ZNF530: variants seen among roughly 807,000 people sequenced by gnomAD.
The protein encoded by ZNF530 is zinc finger protein 530.
A neutral mutation model predicts 2.8 loss-of-function variants in ZNF530; 5 were observed. That is an observed-to-expected ratio of 1.80 (90% CI 0.94 to 3.78). ZNF530 has a LOEUF of 3.78. Ranked by LOEUF, ZNF530 falls within the 30% of genes most tolerant of loss-of-function variation. The pLI, the probability that ZNF530 is intolerant of heterozygous loss-of-function variation, is 0.00. For missense variants in ZNF530, 619 were observed against 673.3 expected (o/e 0.92, Z 0.89); for synonymous variants, 229 against 235.0 (o/e 0.97, Z 0.23).
intron 2 of ZNF530, among the ~76,000 whole-genome samples, chr19:57,601,242 T>C (rs1353787144): frequency 6.6e-6 from 1 of 152,136 alleles, no homozygotes; most frequent in Non-Finnish European, 1.5e-5. Flanking sequence ...AGGGAGTTGG[T>C]AGCAATACCA....
Position 57,607,262 on chromosome 19 carries a change from A to T in ZNF530, c.1638A>T (p.Glu546Asp), listed in dbSNP as rs1158993688. 1 of 1,614,088 alleles carries T rather than the reference A, an allele frequency of 6.2e-7. No individual in the cohort carries two copies. The highest frequency in any genetic ancestry group is 8.5e-7 in the Non-Finnish European group (1 of 1,180,014). Residue 546 changes from glutamate to aspartate, a missense_variant, in exon 4 of 4, where the codon GAA (glutamate) becomes GAT (aspartate). Physicochemically the swap from Glu to Asp is conservative, Grantham distance 45. Transcript: ENST00000597700. ...GAGAAAGGCCTTATGAATGCAGTGA[A>T]TGTGGAAAATCCTTTAGCCAAAGCT... Reference protein sequence around the residue: ...HTGERPYECSECGKSFSQSSG... With the variant: ...HTGERPYECSDCGKSFSQSSG...
intron 2 of ZNF530, among the ~76,000 whole-genome samples, chr19:57,602,146 C>T (rs1980273038): frequency 6.6e-6 from 1 of 152,198 alleles, no homozygotes; most frequent in Non-Finnish European, 1.5e-5. Flanking sequence ...CATCAGGGTG[C>T]CTCTAGATTC....
chr19:57,600,227 G>C (rs774609965), intron 1 of ZNF530, 93 bp downstream of exon 1: 20 of 1,358,030 alleles, frequency 1.5e-5, no homozygotes, highest in Non-Finnish European at 2.0e-5. Flanking sequence ...CGCACTGTCC[G>C]GCACAGTGAG....
Position 57,605,715 on chromosome 19 carries a change from A to G in ZNF530, c.91A>G (p.Thr31Ala), listed in dbSNP as rs9677004. ...CTGGTGTGGAGCAGTAGATGAGGGG[A>G]CGCCTTCTGCAGAGAGCGTTTCTGT... ...GCWCGAVDEG[T>A]PSAESVSVEE... The change falls in exon 4 of 4, where the codon ACG (threonine) becomes GCG (alanine). Residue 31 changes from threonine to alanine, a missense_variant. Thr to Ala is a moderately conservative substitution (Grantham distance 58, BLOSUM62 0). Transcript: ENST00000597700. 0.19 allele frequency: 300,522 copies of G among 1,610,744 alleles called. 31,913 individuals are homozygous for G. The highest frequency in any genetic ancestry group is 0.45 in the African/African-American group (33,791 of 74,820).
Position 57,606,349 on chromosome 19 carries a change from CA to C in ZNF530, c.726del (p.Phe243LeufsTer7), listed in dbSNP as rs777055207. ...CATGAATGTAGTGAATGTGGGAAAT[CA>C]TTTAGTCGCAAAACTCACCTAACTC... ...RTHECSECGK[S>X]FSRKTHLTQH... On this transcript the variant is annotated frameshift_variant, in exon 4 of 4. Transcript: ENST00000597700. LOFTEE classifies it low-confidence loss of function (END_TRUNC). 8.1e-6 allele frequency: 13 copies of C among 1,614,104 alleles called. No homozygotes were observed. The Middle Eastern group carries it at 4.9e-4, about 61-fold the overall frequency.
rs780728808 is a variant in ZNF530 at position 57,606,291 on chromosome 19, C to T, written c.667C>T (p.Arg223Ter). The T allele has an allele frequency of 3.7e-6, 6 of 1,613,986 alleles. No homozygotes were observed. Among genetic ancestry groups the T allele is most frequent in the Admixed American group, 1.7e-5 (1 of 60,006 alleles). ...KSFSQSSGFLRHRKAHGRTRT... is the reference protein window; with the variant it reads ...KSFSQSSGFL ...CTTTAGTCAAAGTTCTGGCTTTCTT[C>T]GACACAGGAAAGCACACGGTAGAAC... The change falls in exon 4 of 4, where the codon CGA becomes TGA. Residue 223 changes from arginine (R) to a stop codon, truncating the protein, a stop_gained. Transcript: ENST00000597700. LOFTEE classifies it low-confidence loss of function (END_TRUNC).
chr19:57,600,016 G>T lies in ZNF530; in HGVS notation c.-240G>T, dbSNP rs1362830762. ...GTCGTTTTCTCAGCTGCACAGCCGG[G>T]GCCTGACGGTCGCCGGCGGTGGTGA... is the stretch of plus-strand genomic sequence containing the variant. On this transcript the variant is annotated 5_prime_UTR_variant, in exon 1 of 4. Transcript: ENST00000597700. 2 of 1,402,884 alleles carry T rather than the reference G, an allele frequency of 1.4e-6. No individual in the cohort carries two copies. Among genetic ancestry groups the T allele is most frequent in the Admixed American group, 2.3e-5 (1 of 43,670 alleles). The allele number at this position is 1,402,884 out of a possible 1,614,324, so 86.9% of individuals were successfully genotyped here.
intron 2 of ZNF530, among the ~76,000 whole-genome samples, chr19:57,601,876 T>C (rs531324098): frequency 6.6e-5 from 10 of 152,322 alleles, no homozygotes; most frequent in African/African-American, 2.4e-4. Flanking sequence ...AGTCTCTTTT[T>C]AGCAACCAGG....
At position 57,610,049 on chromosome 19, in the gene ZNF530, A is replaced by C. The variant is rs1308116537; in HGVS notation, c.*2724A>C. Among the ~76,000 whole-genome samples the C allele has an allele frequency of 6.6e-6, 1 of 152,250 alleles. No individual in the cohort carries two copies. The highest frequency in any genetic ancestry group is 2.4e-5 in the African/African-American group (1 of 41,462). On this transcript the variant is annotated 3_prime_UTR_variant, in exon 4 of 4. Coordinates refer to ENST00000597700, the MANE Select transcript of ZNF530 (RefSeq NM_001321981.2). ...AGATTGTTATTGCATCCATTAAAAA[A>C]AAATCAAGTTATAATTGATGTGGAA...
intron 3 of ZNF530, chr19:57,604,750 T>G (rs957351724): frequency 5.1e-6 from 1 of 195,122 alleles, no homozygotes; most frequent in African/African-American, 2.4e-5. Flanking sequence ...AGCTGCCTGT[T>G]TCAGGAATTG....
At position 57,606,663 on chromosome 19, in the gene ZNF530, G is replaced by C. The variant is rs145835817; in HGVS notation, c.1039G>C (p.Glu347Gln). Residue 347 changes from glutamate (E) to glutamine (Q), a missense_variant, in exon 4 of 4, where the codon GAG becomes CAG. Physicochemically the swap from Glu to Gln is conservative, Grantham distance 29 (BLOSUM62 2). Coordinates refer to ENST00000597700, the MANE Select transcript of ZNF530 (RefSeq NM_001321981.2). ...WRVHTGVRPY[E>Q]CSECGKAFSC... ...AGTTCACACTGGAGTAAGGCCTTATGAGTGTAGTGAATGTGGGAAAGCATT... is the reference window on the plus strand; with the variant it reads ...AGTTCACACTGGAGTAAGGCCTTATCAGTGTAGTGAATGTGGGAAAGCATT... The C allele has an allele frequency of 6.2e-7, 1 of 1,614,156 alleles. No individual in the cohort carries two copies. The highest frequency in any genetic ancestry group is 1.7e-5 in the Admixed American group (1 of 60,020).
In ZNF530 at chr19:57,605,655, C is replaced by A. The variant is rs534331833; in HGVS notation, c.62-31C>A. On this transcript the variant is annotated intron_variant, in intron 3 of 3. Coordinates refer to ENST00000597700, the MANE Select transcript of ZNF530 (RefSeq NM_001321981.2). ...TGTAACTTCTCACACCATAGTAAAT[C>A]TGTGTTTTCTCAGCATTTCTCTTCT... 3 of 1,554,582 alleles carry A rather than the reference C, an allele frequency of 1.9e-6. No individual in the cohort carries two copies. In the Admixed American group the frequency reaches 5.8e-5, roughly 30 times the overall value.
At chr19:57,612,389 A>G (rs989849560), downstream of ZNF530, 4 of 397,424 alleles carry the variant, frequency 1.0e-5, no homozygotes, top group African/African-American at 8.2e-5. Context: ...GAAATACAGT[A>G]GGTGTTCCTT....
chr19:57,601,985 A>G (rs1980264845), intron 2 of ZNF530, among the ~76,000 whole-genome samples: 1 of 152,212 alleles, frequency 6.6e-6, no homozygotes, highest in Non-Finnish European at 1.5e-5. Context: ...CACTTCCAAC[A>G]TTGGGGATCA....
rs570716822 is a variant in ZNF530, at chr19:57,604,463, C to T, written c.61+57C>T. On this transcript the variant is annotated intron_variant, in intron 3 of 3. Coordinates refer to ENST00000597700, the MANE Select transcript of ZNF530 (RefSeq NM_001321981.2). ...TGTGGGTCTCTCCTTTTCCCCTGTC[C>T]CTGAGGCAGCTCTGTCCTTTCTTCA... 5.1e-6 allele frequency: 8 copies of T among 1,574,282 alleles called. No homozygotes were observed. The African/African-American group carries it at 8.2e-5, about 16-fold the overall frequency.
chr19:57,604,493 G>A (rs1980403252), intron 3 of ZNF530, 87 bp downstream of exon 3: 1 of 1,520,266 alleles, frequency 6.6e-7, no homozygotes, highest in Middle Eastern at 1.8e-4. Context: ...TCTTCAGTTA[G>A]ACCCTGAGCT....
chr19:57,607,037 CCA>C lies in ZNF530; in HGVS notation c.1415_1416del (p.His472ProfsTer10). 6.3e-7 allele frequency: 1 copy of C among 1,596,634 alleles called. No homozygotes were observed. The highest frequency in any genetic ancestry group is 8.5e-7 in the Non-Finnish European group (1 of 1,173,844). On this transcript the variant is annotated frameshift_variant, in exon 4 of 4. Transcript: ENST00000597700. LOFTEE classifies it low-confidence loss of function (END_TRUNC). ...VCGKSFIRKT[H>X]LIRHQTVHTN... ...GTGGGAAATCTTTTATCCGAAAAAC[CCA>C]CCTCATTCGACACCAGACTGTTCAC... is the stretch of plus-strand genomic sequence containing the variant.
At chr19:57,602,248 A>G (rs2123455464) in intron 2 of ZNF530, among the ~76,000 whole-genome samples, 1 of 152,306 alleles carries the variant, frequency 6.6e-6, no homozygotes, top group Non-Finnish European at 1.5e-5. Flanking sequence ...TATGTAAAGA[A>G]AGCAAGGAAT....
At chr19:57,605,328 C>T in intron 3 of ZNF530, 1 of 180,472 alleles carries the variant, frequency 5.5e-6, no homozygotes, top group Admixed American at 5.7e-5. Flanking sequence ...TTAAATAGTC[C>T]TTCCACACCT....
Sources: allele counts gnomAD v4.1 joint callset (sites outside exome capture counted in the v4.1 genomes callset), GRCh38; gene constraint gnomAD v4.1.1; transcripts MANE v1.5; gene names NCBI Gene and HGNC (gene_info 2026-07-23, HGNC 2026-07-21).